Variants in CCDC181 observed in about 807,000 individuals in gnomAD.
CCDC181 encodes coiled-coil domain-containing protein 181.
In CCDC181, 35 loss-of-function variants were observed where a neutral mutation model predicts 58.7. The ratio of observed to expected loss-of-function variants is 0.60; its 90% CI spans 0.46 to 0.79. CCDC181 has a LOEUF of 0.79. Among genes scored for constraint, CCDC181 ranks in the 30% least tolerant of loss-of-function variants. The pLI, the probability that CCDC181 is intolerant of heterozygous loss-of-function variation, is 0.00. For synonymous variants in CCDC181, 183 were observed against 197.5 expected (o/e 0.93, Z 0.62); for missense variants, 517 against 583.9 (o/e 0.89, Z 1.18).
At chr1:169,406,059 C>T (rs1655638605) in intron 4 of CCDC181, among the ~76,000 whole-genome samples, 1 of 152,206 alleles carries the variant, frequency 6.6e-6, no homozygotes, top group South Asian at 2.1e-4. Context: ...CTCATCATCA[C>T]TGGCCATCAG....
intron 2 of CCDC181, among the ~76,000 whole-genome samples, chr1:169,434,726 G>A (rs1389221233): frequency 6.6e-6 from 1 of 151,990 alleles, no homozygotes; most frequent in Non-Finnish European, 1.5e-5. Flanking sequence ...CAATAGTGAA[G>A]GACTGAAAGC....
At chr1:169,411,259 C>A (rs1655947246) in intron 4 of CCDC181, among the ~76,000 whole-genome samples, 1 of 152,138 alleles carries the variant, frequency 6.6e-6, no homozygotes, top group South Asian at 2.1e-4. Flanking sequence ...AGTATAAACA[C>A]CTTTATGCAA....
chr1:169,432,097 T>G (rs755203598), upstream of CCDC181, among the ~76,000 whole-genome samples: 9 of 151,740 alleles, frequency 5.9e-5, no homozygotes, highest in Non-Finnish European at 8.8e-5. Flanking sequence ...AGGAAAGATG[T>G]GGAGAAAGTG....
intron 4 of CCDC181, chr1:169,418,651 G>A (rs151053205): frequency 2.2e-3 from 513 of 232,688 alleles, no homozygotes; most frequent in Non-Finnish European, 3.6e-3. Flanking sequence ...ATTTGCTAAA[G>A]ATTTACATAA....
intron 4 of CCDC181, among the ~76,000 whole-genome samples, chr1:169,414,109 A>T (rs1015098580): frequency 6.6e-6 from 1 of 152,230 alleles, no homozygotes; most frequent in Non-Finnish European, 1.5e-5. Context: ...TGCACAAGCC[A>T]TTTTAAATAT....
upstream of CCDC181, among the ~76,000 whole-genome samples, chr1:169,431,177 G>T (rs1271639274): frequency 6.6e-6 from 1 of 152,152 alleles, no homozygotes; most frequent in African/African-American, 2.4e-5. Flanking sequence ...ACTGATTTGT[G>T]TACATTGATT....
In CCDC181 at chr1:169,421,764, C is replaced by T; in HGVS notation, c.667G>A (p.Gly223Arg). The T allele has an allele frequency of 3.7e-6, 6 of 1,614,060 alleles. No homozygotes were observed. Among genetic ancestry groups the T allele is most frequent in the Non-Finnish European group, 5.1e-6 (6 of 1,180,002 alleles). Residue 223 changes from glycine to arginine, a missense_variant, in exon 3 of 6, where the codon GGA (glycine) becomes AGA (arginine). Transcript: ENST00000367806. ...KDRTILVERD[G>R]KFELLNLQDI... The stretch of plus-strand genomic sequence containing the variant: ...TGTAAATTCAGAAGTTCAAATTTTC[C>T]ATCTCTCTCTACCAGTATTGTCCTA...
chr1:169,414,040 A>C (rs1656107837), intron 4 of CCDC181, among the ~76,000 whole-genome samples: 1 of 152,160 alleles, frequency 6.6e-6, no homozygotes, highest in Admixed American at 6.6e-5. Context: ...ATTAAATACA[A>C]GTGAATACTA....
rs193111643 is a variant in CCDC181 at position 169,423,696 on chromosome 1, T to A, written c.117+1115A>T. On this transcript the variant is annotated intron_variant, in intron 2 of 5. Transcript: ENST00000367806. The stretch of plus-strand genomic sequence containing the variant: ...AAAATAAAACAATAAATCATCCCTA[T>A]TACCTCTCTAATTCTATCGCACTGT... Among the ~76,000 whole-genome samples, 3 of 152,138 alleles carry A rather than the reference T, an allele frequency of 2.0e-5. No homozygotes were observed. The East Asian group carries it at 5.8e-4, about 29-fold the overall frequency.
intron 5 of CCDC181, 85 bp from the exon 6 acceptor site, chr1:169,395,291 A>C: frequency 8.4e-7 from 1 of 1,196,616 alleles, no homozygotes; most frequent in South Asian, 2.2e-5. Flanking sequence ...TAGACAAAAT[A>C]AATGGACATT....
At chr1:169,414,575 T>C (rs960513948) in intron 4 of CCDC181, among the ~76,000 whole-genome samples, 2 of 152,208 alleles carry the variant, frequency 1.3e-5, no homozygotes, top group African/African-American at 4.8e-5. Flanking sequence ...CATTTTCATG[T>C]GTGTGTATAC....
At chr1:169,418,588 T>A (rs12091133) in intron 4 of CCDC181, among the ~76,000 whole-genome samples, 6,360 of 151,944 alleles carry the variant, frequency 0.042, 196 homozygotes, top group East Asian at 0.12. Context: ...ATTTTCTCTA[T>A]TTTCTGTTTT....
chr1:169,401,055 C>T (rs377687224), intron 4 of CCDC181, among the ~76,000 whole-genome samples: 1 of 152,208 alleles, frequency 6.6e-6, no homozygotes, highest in Non-Finnish European at 1.5e-5. Context: ...TCACTGCTAA[C>T]ACAGCAGTCT....
intron 2 of CCDC181, among the ~76,000 whole-genome samples, chr1:169,450,245 C>T (rs1657499121): frequency 6.6e-6 from 1 of 152,132 alleles, no homozygotes; most frequent in South Asian, 2.1e-4. Flanking sequence ...TGTATTTTTC[C>T]CTGGAGAGTA....
intron 4 of CCDC181, among the ~76,000 whole-genome samples, chr1:169,409,551 T>C (rs934255324): frequency 2.0e-5 from 3 of 152,020 alleles, no homozygotes; most frequent in Non-Finnish European, 4.4e-5. Flanking sequence ...ACCACAAAGA[T>C]ACTCCTCAAG....
intron 2 of CCDC181, among the ~76,000 whole-genome samples, chr1:169,436,626 A>C (rs758944255): frequency 9.9e-5 from 15 of 152,244 alleles, no homozygotes; most frequent in Non-Finnish European, 2.1e-4. Context: ...AGCAGAGACA[A>C]ACATTAAATT....
intron 2 of CCDC181, among the ~76,000 whole-genome samples, chr1:169,442,400 AG>A (rs1037065261): frequency 6.6e-5 from 10 of 152,050 alleles, no homozygotes; most frequent in African/African-American, 2.4e-4. Context: ...GCCATTAAAA[AG>A]TTTTGTGAGT....
chr1:169,424,730 T>G, intron 2 of CCDC181, 81 bp downstream of exon 2: 32 of 768,002 alleles, frequency 4.2e-5, no homozygotes, highest in East Asian at 5.0e-5. Context: ...GATGTTTAGA[T>G]GAGATAATAA....
intron 4 of CCDC181, among the ~76,000 whole-genome samples, chr1:169,402,049 G>A (rs1655382649): frequency 6.6e-6 from 1 of 151,996 alleles, no homozygotes; most frequent in South Asian, 2.1e-4. Context: ...TGGAAGAAAG[G>A]GTATCTGTGA....
Sources: allele counts gnomAD v4.1 joint callset (sites outside exome capture counted in the v4.1 genomes callset), GRCh38; gene constraint gnomAD v4.1.1; transcripts MANE v1.5; gene names NCBI Gene and HGNC (gene_info 2026-07-23, HGNC 2026-07-21).